Variants in CARS2 observed in about 807,000 individuals in gnomAD.
The protein encoded by CARS2 is probable cysteine--tRNA ligase, mitochondrial.
Under a neutral mutation model 68.8 loss-of-function variants are expected in CARS2, and 52 were observed. That is an observed-to-expected ratio of 0.76 (90% confidence interval 0.61 to 0.95). The LOEUF (loss-of-function observed/expected upper bound fraction) is 0.95. Ranked by LOEUF, CARS2 falls within the 40% of genes least tolerant of loss-of-function variation. The pLI is 0.00. For synonymous variants in CARS2, 314 were observed against 303.6 expected (o/e 1.03, Z -0.36); for missense variants, 780 against 754.2 (o/e 1.03, Z -0.40).
At chr13:110,689,652 G>A (rs2063400749) in intron 3 of CARS2, among the ~76,000 whole-genome samples, 1 of 152,198 alleles carries the variant, frequency 6.6e-6, no homozygotes, top group Non-Finnish European at 1.5e-5. Context: ...GAACCACTGT[G>A]TATATACGGG....
At chr13:110,644,191 G>A in intron 13 of CARS2, 194 bp downstream of exon 13, 1 of 1,462,978 alleles carries the variant, frequency 6.8e-7, no homozygotes, top group African/African-American at 1.4e-5. Context: ...AACTGCAGAA[G>A]TAGAATTGTG....
intron 10 of CARS2, chr13:110,649,270 G>A (rs1196569595): frequency 1.3e-5 from 2 of 152,290 alleles, no homozygotes; most frequent in African/African-American, 4.8e-5. Context: ...CCACCCAGGG[G>A]AGAGGTTCAG....
chr13:110,644,260 G>A, intron 13 of CARS2, 125 bp downstream of exon 13: 1 of 1,365,204 alleles, frequency 7.3e-7, no homozygotes, highest in African/African-American at 1.4e-5. Flanking sequence ...AAAGTAACAT[G>A]TTTTTAAACA....
chr13:110,646,740 C>G, intron 11 of CARS2: 1 of 211,630 alleles, frequency 4.7e-6, no homozygotes, highest in Non-Finnish European at 9.4e-6. Flanking sequence ...GCAGGGGGCT[C>G]AGAGCCCGAG....
chr13:110,643,997 T>C, intron 13 of CARS2: 1 of 703,818 alleles, frequency 1.4e-6, no homozygotes, highest in Non-Finnish European at 2.1e-6. Flanking sequence ...GTACAAAACA[T>C]GTGCCAGGCA....
rs1434235656 is a variant in CARS2, at chr13:110,705,028, C to A, written c.275+493G>T. ...GAAAGTTACTCAATCACTATTGAGC[C>A]CCGTGACATCTCACATGTGAGGTAC... On this transcript the variant is annotated intron_variant, in intron 2 of 14. Coordinates refer to ENST00000257347, the MANE Select transcript of CARS2 (RefSeq NM_024537.4). This position sits in a 1 kb window ranked among gnomAD's most constrained non-coding sequence, Gnocchi z 4.0. Among the ~76,000 whole-genome samples the A allele has an allele frequency of 2.6e-5, 4 of 152,114 alleles. No individual in the cohort carries two copies. In the East Asian group the frequency reaches 7.7e-4, roughly 29 times the overall value.
At chr13:110,663,619 TCCAATGTATAGA>T in intron 8 of CARS2, 101 bp from the exon 9 acceptor site, 1 of 1,536,116 alleles carries the variant, frequency 6.5e-7, no homozygotes, top group Non-Finnish European at 8.7e-7. Context: ...CCTGCACATA[TCCAATGTATAGA>T]CCAGTGTATG....
chr13:110,679,626 G>GAGAGA (rs2063094953), intron 6 of CARS2, among the ~76,000 whole-genome samples: 2 of 86,940 alleles, frequency 2.3e-5, no homozygotes, highest in Admixed American at 2.7e-4. Flanking sequence ...AGAGAGAGAG[G>GAGAGA]GAGGGAGGGA....
At chr13:110,689,247 G>A (rs911070656) in intron 3 of CARS2, among the ~76,000 whole-genome samples, 6 of 152,248 alleles carry the variant, frequency 3.9e-5, no homozygotes, top group African/African-American at 1.4e-4. Context: ...TGCTGGTCCT[G>A]CTCAAATGGC....
chr13:110,666,969 G>A (rs2062665052), intron 8 of CARS2: 1 of 984,856 alleles, frequency 1.0e-6, no homozygotes, highest in Admixed American at 6.2e-5. Flanking sequence ...TGGAAGAAAG[G>A]GCAATGTTAT....
rs2062948665 is a variant in CARS2, at chr13:110,676,314, G to C, written c.785+660C>G. Among the ~76,000 whole-genome samples, 1 of 152,346 alleles carries C rather than the reference G, an allele frequency of 6.6e-6. No individual in the cohort carries two copies. Among genetic ancestry groups the C allele is most frequent in the South Asian group, 2.1e-4 (1 of 4,828 alleles). ...TGTGGACACCTCAGGTGCGTCCAAG[G>C]GGACCAGGGAGAAGGCGGAGAAAGC... On this transcript the variant is annotated intron_variant, in intron 7 of 14. Transcript: ENST00000257347. The surrounding 1 kb of genome is among the most constrained non-coding windows in gnomAD (Gnocchi z 4.0).
chr13:110,665,419 G>C lies in CARS2; in HGVS notation c.920-1901C>G. On this transcript the variant is annotated intron_variant, in intron 8 of 14. Transcript: ENST00000257347. This position sits in a 1 kb window ranked among gnomAD's most constrained non-coding sequence, Gnocchi z 4.3. ...TCAGATAGTGCCACTGCACTCCCAG[G>C]CTGGGGGACGGAGCGAAATTGTTTC... 1 of 979,722 alleles carries C rather than the reference G, an allele frequency of 1.0e-6. No individual in the cohort carries two copies. Among genetic ancestry groups the C allele is most frequent in the South Asian group, 4.7e-5 (1 of 21,148 alleles). The allele number at this position is 979,722 out of a possible 1,614,324, so 60.7% of individuals were successfully genotyped here. A position where few individuals can be genotyped will look rare whatever the true frequency, so the allele number is the denominator to read the frequency against.
At chr13:110,712,297 C>T (rs1459051447) in intron 1 of CARS2, 1 of 154,202 alleles carries the variant, frequency 6.5e-6, no homozygotes, top group Non-Finnish European at 1.4e-5. Flanking sequence ...CGTTCTCCGA[C>T]TTGCTGAAAA....
chr13:110,705,801 T>C lies in CARS2; in HGVS notation c.224+69A>G. ...CCTAAACGCCCTCCCCGAGCCCAGA[T>C]CCCGTTCAGCCGTGGGAAGTCTCCG... On this transcript the variant is annotated intron_variant, in intron 1 of 14. Transcript: ENST00000257347. The surrounding 1 kb of genome is among the most constrained non-coding windows in gnomAD (Gnocchi z 4.0). 6.6e-7 allele frequency: 1 copy of C among 1,525,696 alleles called. No individual in the cohort carries two copies. The highest frequency in any genetic ancestry group is 8.8e-7 in the Non-Finnish European group (1 of 1,138,708). The allele number at this position is 1,525,696 out of a possible 1,614,324, so 94.5% of individuals were successfully genotyped here.
At chr13:110,707,131 T>C (rs948851912), upstream of CARS2, among the ~76,000 whole-genome samples, 1 of 150,728 alleles carries the variant, frequency 6.6e-6, no homozygotes, top group African/African-American at 2.5e-5. Context: ...ACAGCACATG[T>C]GCATCCCAGC....
In CARS2 at chr13:110,651,703, C is replaced by A. The variant is rs117684059; in HGVS notation, c.988-603G>T. 1.3e-3 allele frequency among the ~76,000 whole-genome samples: 191 copies of A among 152,362 alleles called. 3 individuals are homozygous for A. In the East Asian group the frequency reaches 0.031, roughly 25 times the overall value. On this transcript the variant is annotated intron_variant, in intron 9 of 14. Coordinates refer to ENST00000257347, the MANE Select transcript of CARS2 (RefSeq NM_024537.4). Reference sequence around the variant, plus strand: ...AACCTAAGTAAAACTCAGAACCCAACCGGTATCCTCCTATAGATCAATTAG... The same window carrying A: ...AACCTAAGTAAAACTCAGAACCCAAACGGTATCCTCCTATAGATCAATTAG...
chr13:110,710,933 T>C (rs535090445), upstream of CARS2, among the ~76,000 whole-genome samples: 20 of 89,052 alleles, frequency 2.2e-4, no homozygotes, highest in Admixed American at 2.3e-3. Flanking sequence ...TACTGTGTTG[T>C]GATTTTTTTT....
At chr13:110,649,928 C>T (rs1023961446) in intron 10 of CARS2, among the ~76,000 whole-genome samples, 51 of 116,938 alleles carry the variant, frequency 4.4e-4, no homozygotes, top group Non-Finnish European at 5.7e-4. Flanking sequence ...CTCTGGATAA[C>T]GACTTTTTTT....
At chr13:110,677,673 C>T (rs1463143453) in intron 6 of CARS2, among the ~76,000 whole-genome samples, 1 of 47,148 alleles carries the variant, frequency 2.1e-5, no homozygotes, top group Non-Finnish European at 5.9e-5. Flanking sequence ...CAGACAATCA[C>T]ACCACAGAAA....
Sources: gnomAD v4.1 joint callset for allele counts (sites outside exome capture counted in the v4.1 genomes callset) on GRCh38, gnomAD v4.1.1 for gene constraint, Gnocchi (gnomAD v3.1) non-coding constraint, MANE v1.5 for transcripts, NCBI Gene and HGNC (gene_info 2026-07-23, HGNC 2026-07-21) for gene names.